The following AFG2A variants were observed in gnomAD, a reference collection of about 807,000 sequenced individuals.
AFG2A encodes the protein AAA ATPase AFG2A.
At chr4:123,086,120 CT>C in the AFG2A span, among the ~76,000 whole-genome samples, 1 of 152,000 alleles carries the variant, frequency 6.6e-6, no homozygotes. Context: ...AAGTTTTTAT[CT>C]TCTTTATTTC....
At chr4:123,123,322 G>C in the AFG2A span, among the ~76,000 whole-genome samples, 3,264 of 152,136 alleles carry the variant, frequency 0.021, 113 homozygotes, top group African/African-American at 0.074. Context: ...TCAAGTTCCT[G>C]CCTATTTAAC....
At chr4:123,152,570 A>C in the AFG2A span, among the ~76,000 whole-genome samples, 1 of 152,212 alleles carries the variant, frequency 6.6e-6, no homozygotes, top group Non-Finnish European at 1.5e-5. Flanking sequence ...ATCACTACAC[A>C]CTTGTTAGAA....
the AFG2A span, among the ~76,000 whole-genome samples, chr4:123,214,666 C>T: frequency 7.6e-4 from 115 of 151,998 alleles, no homozygotes; most frequent in African/African-American, 2.4e-3. Flanking sequence ...GAAATATACA[C>T]AAATCTATTA....
the AFG2A span, among the ~76,000 whole-genome samples, chr4:123,159,334 C>T: frequency 2.6e-5 from 4 of 152,132 alleles, no homozygotes; most frequent in African/African-American, 9.7e-5. Context: ...TTTAATAAAG[C>T]AGCCTGGGTA....
the AFG2A span, among the ~76,000 whole-genome samples, chr4:122,939,970 T>C: frequency 6.6e-5 from 10 of 152,352 alleles, no homozygotes; most frequent in African/African-American, 2.4e-4. Flanking sequence ...CTCATCATTT[T>C]TTATGGCTGC....
the AFG2A span, chr4:123,090,480 G>C: frequency 7.5e-7 from 1 of 1,337,438 alleles, no homozygotes; most frequent in South Asian, 1.7e-5. Context: ...AAATAGACAT[G>C]ATTTCTCTTG....
the AFG2A span, among the ~76,000 whole-genome samples, chr4:123,230,161 A>C: frequency 2.0e-5 from 3 of 151,700 alleles, no homozygotes; most frequent in African/African-American, 7.3e-5. Context: ...ACATCCATTG[A>C]CTCTTGTTTT....
At chr4:123,044,410 G>A in the AFG2A span, among the ~76,000 whole-genome samples, 1 of 152,056 alleles carries the variant, frequency 6.6e-6, no homozygotes, top group African/African-American at 2.4e-5. Context: ...TTATCCATTT[G>A]TAAACTGCTA....
the AFG2A span, among the ~76,000 whole-genome samples, chr4:123,080,126 A>T: frequency 6.6e-6 from 1 of 152,116 alleles, no homozygotes; most frequent in Non-Finnish European, 1.5e-5. Context: ...TAAAATTCAT[A>T]TATTGAAGCC....
At chr4:123,054,574 C>T in the AFG2A span, among the ~76,000 whole-genome samples, 44 of 151,870 alleles carry the variant, frequency 2.9e-4, no homozygotes, top group Non-Finnish European at 5.0e-4. Context: ...AAAAATTAGC[C>T]GGGTGTGGTG....
chr4:123,202,012 G>GA, the AFG2A span, among the ~76,000 whole-genome samples: 1 of 152,290 alleles, frequency 6.6e-6, no homozygotes, highest in Non-Finnish European at 1.5e-5. Flanking sequence ...GTGGCTGATT[G>GA]AAAAATGTAA....
At chr4:123,236,820 T>C in the AFG2A span, among the ~76,000 whole-genome samples, 1 of 152,132 alleles carries the variant, frequency 6.6e-6, no homozygotes, top group Non-Finnish European at 1.5e-5. Context: ...CCAGACCAAA[T>C]GGGATGTAAA....
At chr4:123,121,984 T>G in the AFG2A span, among the ~76,000 whole-genome samples, 4 of 152,216 alleles carry the variant, frequency 2.6e-5, no homozygotes, top group Admixed American at 2.0e-4. Context: ...ACAAGGATAT[T>G]ATCACCTTAT....
At chr4:123,007,600 G>GT in the AFG2A span, among the ~76,000 whole-genome samples, 28 of 9,358 alleles carry the variant, frequency 3.0e-3, no homozygotes, top group African/African-American at 9.2e-3. Context: ...GTGTGTGTGT[G>GT]TGTGTGTGTA....
chr4:123,091,460 T>A, the AFG2A span, among the ~76,000 whole-genome samples: 6 of 152,210 alleles, frequency 3.9e-5, no homozygotes, highest in African/African-American at 4.8e-5. Context: ...GTTTTGAAAT[T>A]CTTTGTTTCA....
the AFG2A span, among the ~76,000 whole-genome samples, chr4:123,094,317 G>T: frequency 6.6e-6 from 1 of 152,104 alleles, no homozygotes; most frequent in Non-Finnish European, 1.5e-5. Context: ...AGTGAAGTCT[G>T]TCCAACCCCC....
the AFG2A span, among the ~76,000 whole-genome samples, chr4:122,955,261 G>C: frequency 6.6e-6 from 1 of 152,094 alleles, no homozygotes; most frequent in Non-Finnish European, 1.5e-5. Context: ...CAGCCTTCAC[G>C]TGGCAACCCT....
At chr4:122,924,735 G>A in the AFG2A span, among the ~76,000 whole-genome samples, 675 of 151,658 alleles carry the variant, frequency 4.5e-3, 8 homozygotes, top group Non-Finnish European at 2.0e-3. Context: ...TTGTTTTTGC[G>A]CCTTGATGTG....
At chr4:123,071,150 T>G in the AFG2A span, among the ~76,000 whole-genome samples, 1 of 152,158 alleles carries the variant, frequency 6.6e-6, no homozygotes, top group African/African-American at 2.4e-5. Flanking sequence ...AAAATTGCTT[T>G]TGTCAGGTGG....
Sources: gnomAD v4.1 joint callset for allele counts (sites outside exome capture counted in the v4.1 genomes callset) on GRCh38, gnomAD v4.1.1 for gene constraint, MANE v1.5 for transcripts, NCBI Gene and HGNC (gene_info 2026-07-23, HGNC 2026-07-21) for gene names.